The following CDH18 variants were observed in gnomAD, a reference collection of about 807,000 sequenced individuals.
CDH18 encodes cadherin 18.
Under a neutral mutation model 67.9 loss-of-function variants are expected in CDH18, and 31 were observed. That is an observed-to-expected ratio of 0.46 (90% CI 0.34 to 0.62). The LOEUF (loss-of-function observed/expected upper bound fraction) is 0.62, where lower values mean the gene tolerates loss of function less well. Among genes scored for constraint, CDH18 ranks in the 20% least tolerant of loss-of-function variants. The pLI is 0.01. For missense variants in CDH18, 890 were observed against 975.5 expected, an observed-to-expected ratio of 0.91 and a Z score of 1.17; for synonymous variants, 362 against 347.2, an observed-to-expected ratio of 1.04 and a Z score of -0.48.
intron 2 of CDH18, among the ~76,000 whole-genome samples, chr5:19,913,715 G>C (rs574710163): frequency 1.3e-5 from 2 of 152,014 alleles, no homozygotes; most frequent in African/African-American, 4.8e-5. Flanking sequence ...AAGATGGAGG[G>C]GAGACCTCCA....
chr5:20,282,994 T>C (rs1158046146), intron 1 of CDH18, among the ~76,000 whole-genome samples: 1 of 151,990 alleles, frequency 6.6e-6, no homozygotes, highest in Non-Finnish European at 1.5e-5. Context: ...TTTCAACAAA[T>C]ATGCCCAGAA....
intron 2 of CDH18, among the ~76,000 whole-genome samples, chr5:20,061,153 AG>A (rs766694789): frequency 5.3e-5 from 8 of 152,084 alleles, no homozygotes; most frequent in Non-Finnish European, 1.2e-4. Context: ...ATTTTAGAAA[AG>A]ATTTACCTAT....
At chr5:20,185,339 G>C (rs1738010972) in intron 2 of CDH18, among the ~76,000 whole-genome samples, 1 of 151,852 alleles carries the variant, frequency 6.6e-6, no homozygotes, top group Admixed American at 6.6e-5. Context: ...CTTCCCCCTG[G>C]GCTCCCAGTA....
intron 4 of CDH18, among the ~76,000 whole-genome samples, 162 bp from the exon 5 acceptor site, chr5:19,721,628 T>G (rs1016692751): frequency 2.0e-5 from 3 of 152,216 alleles, no homozygotes; most frequent in Admixed American, 6.5e-5. Flanking sequence ...CTTGCTTTCT[T>G]TCCCTGTCAT....
At chr5:19,858,978 A>G (rs1364885074) in intron 2 of CDH18, among the ~76,000 whole-genome samples, 1 of 152,132 alleles carries the variant, frequency 6.6e-6, no homozygotes, top group African/African-American at 2.4e-5. Context: ...AAAAAAAACT[A>G]TTTTATTGAG....
chr5:20,020,134 C>T (rs1159233634), intron 2 of CDH18, among the ~76,000 whole-genome samples: 1 of 152,136 alleles, frequency 6.6e-6, no homozygotes, highest in Non-Finnish European at 1.5e-5. Context: ...AATTTCTAAG[C>T]AGCAAGGCGT....
intron 1 of CDH18, among the ~76,000 whole-genome samples, chr5:20,257,089 C>A (rs900127295): frequency 6.6e-6 from 1 of 151,964 alleles, no homozygotes; most frequent in East Asian, 1.9e-4. Context: ...TTCAGGGTTA[C>A]TAGAACACCT....
chr5:19,594,881 G>A (rs1745919482), intron 6 of CDH18, among the ~76,000 whole-genome samples: 1 of 151,942 alleles, frequency 6.6e-6, no homozygotes, highest in Non-Finnish European at 1.5e-5. Context: ...CAGGAACAAA[G>A]CAAGGATGCC....
chr5:20,220,541 G>A (rs949974478), intron 2 of CDH18, among the ~76,000 whole-genome samples: 1 of 151,866 alleles, frequency 6.6e-6, no homozygotes, highest in Non-Finnish European at 1.5e-5. Context: ...AAATATTGGG[G>A]AAACTCCAAG....
chr5:20,437,080 T>C (rs1355592134), intron 1 of CDH18, among the ~76,000 whole-genome samples: 4 of 149,258 alleles, frequency 2.7e-5, no homozygotes, highest in Admixed American at 6.6e-5. Flanking sequence ...AATTGTTAGA[T>C]AGACAAAGAA....
Position 20,172,200 on chromosome 5 carries a change from ATATATATATATATATATATATATG to A in CDH18, c.-518+83220_-518+83243del, listed in dbSNP as rs1179889703. Among the ~76,000 whole-genome samples, 13 of 36,398 alleles carry A rather than the reference ATATATATATATATATATATATATG, an allele frequency of 3.6e-4. 1 individual carries two copies. Among genetic ancestry groups the A allele is most frequent in the Admixed American group, 5.5e-4 (2 of 3,634 alleles). The allele number at this position is 36,398 out of a possible 152,430, so 23.9% of individuals were successfully genotyped here. On this transcript the variant is annotated intron_variant, in intron 2 of 14. Transcript: ENST00000507958. ...TCAATAGCATTGTGTGTATATATAT[ATATATATATATATATATATATATG>A]TATATATATATATATGTATATATAT...
chr5:20,096,401 A>T (rs994442422), intron 2 of CDH18, among the ~76,000 whole-genome samples: 2 of 152,164 alleles, frequency 1.3e-5, no homozygotes, highest in Non-Finnish European at 2.9e-5. Context: ...TCACAAGAGG[A>T]CTACTTTGAC....
chr5:20,208,690 G>A (rs1021079061), intron 2 of CDH18, among the ~76,000 whole-genome samples: 5 of 151,862 alleles, frequency 3.3e-5, no homozygotes. Flanking sequence ...AATCTCAAAA[G>A]CACAGAGAAC....
At chr5:19,688,029 C>T (rs573360153) in intron 5 of CDH18, among the ~76,000 whole-genome samples, 75 of 152,178 alleles carry the variant, frequency 4.9e-4, no homozygotes, top group Non-Finnish European at 9.1e-4. Flanking sequence ...CCTGTACACT[C>T]TTTCTGAGGG....
chr5:20,187,839 T>C (rs903364208), intron 2 of CDH18, among the ~76,000 whole-genome samples: 1 of 151,940 alleles, frequency 6.6e-6, no homozygotes, highest in Non-Finnish European at 1.5e-5. Flanking sequence ...GATTTTTAGC[T>C]TCTTAAAAAT....
chr5:20,241,139 G>C (rs980082591), intron 2 of CDH18, among the ~76,000 whole-genome samples: 5 of 152,090 alleles, frequency 3.3e-5, no homozygotes, highest in African/African-American at 1.2e-4. Flanking sequence ...ATATAAAAAA[G>C]TGTCTTATTT....
At chr5:19,770,666 G>T (rs1773631415) in intron 3 of CDH18, among the ~76,000 whole-genome samples, 1 of 151,810 alleles carries the variant, frequency 6.6e-6, no homozygotes, top group Non-Finnish European at 1.5e-5. Flanking sequence ...GAAAAAAAAA[G>T]TCCACAGAGT....
intron 5 of CDH18, among the ~76,000 whole-genome samples, chr5:19,658,625 A>G (rs1561556665): frequency 1.3e-5 from 2 of 151,388 alleles, no homozygotes; most frequent in African/African-American, 4.8e-5. Context: ...TATCTAGCAC[A>G]CTTATTTGAT....
chr5:19,974,073 T>A (rs1798274793), intron 2 of CDH18, among the ~76,000 whole-genome samples: 1 of 152,110 alleles, frequency 6.6e-6, no homozygotes, highest in South Asian at 2.1e-4. Context: ...ATACACATAG[T>A]GAACATATTT....
Sources: allele counts gnomAD v4.1 joint callset (sites outside exome capture counted in the v4.1 genomes callset), GRCh38; gene constraint gnomAD v4.1.1; transcripts MANE v1.5; gene names NCBI Gene and HGNC (gene_info 2026-07-23, HGNC 2026-07-21).